TNR: variants seen among roughly 807,000 people sequenced by gnomAD.
The protein encoded by TNR is tenascin-R.
Under a neutral mutation model 150.4 loss-of-function variants are expected in TNR, and 45 were observed. The observed-to-expected ratio is 0.30, with a 90% CI of 0.24 to 0.38. The LOEUF is 0.38. Among genes scored for constraint, TNR ranks in the 10% least tolerant of loss-of-function variants. TNR has a pLI of 1.00. For missense variants in TNR, 1,544 were observed against 1,759.1 expected, an observed-to-expected ratio of 0.88 and a Z score of 2.19; for synonymous variants, 687 against 678.4, an observed-to-expected ratio of 1.01 and a Z score of -0.20.
chr1:175,577,797 T>C (rs1662180041), intron 1 of TNR, among the ~76,000 whole-genome samples: 2 of 152,124 alleles, frequency 1.3e-5, no homozygotes, highest in African/African-American at 4.8e-5. Flanking sequence ...AGGAGGGAAA[T>C]CTACTGCCCC....
intron 1 of TNR, among the ~76,000 whole-genome samples, chr1:175,674,831 G>T (rs547557970): frequency 2.0e-5 from 3 of 152,146 alleles, no homozygotes; most frequent in African/African-American, 7.2e-5. Context: ...CAATCTGCTG[G>T]ACTTCAGAAA....
chr1:175,476,268 G>A (rs1657542587), intron 2 of TNR, among the ~76,000 whole-genome samples: 1 of 152,272 alleles, frequency 6.6e-6, no homozygotes, highest in African/African-American at 2.4e-5. Flanking sequence ...GGCTCTCTGG[G>A]CATTGGTTTA....
At chr1:175,584,135 C>G (rs1392064833) in intron 1 of TNR, among the ~76,000 whole-genome samples, 1 of 152,150 alleles carries the variant, frequency 6.6e-6, no homozygotes, top group Admixed American at 6.5e-5. Flanking sequence ...CAGAATGTGA[C>G]CCCATTTGGA....
chr1:175,361,997 CT>C (rs1557885201), intron 14 of TNR, among the ~76,000 whole-genome samples: 2 of 152,222 alleles, frequency 1.3e-5, no homozygotes, highest in Non-Finnish European at 2.9e-5. Context: ...GCAAGCCAGT[CT>C]CTCCCTTGCA....
At chr1:175,380,779 C>T (rs962036334) in intron 8 of TNR, among the ~76,000 whole-genome samples, 4 of 152,184 alleles carry the variant, frequency 2.6e-5, no homozygotes, top group Non-Finnish European at 5.9e-5. Flanking sequence ...AGTGCAATAA[C>T]GTGCTGCCCG....
intron 1 of TNR, among the ~76,000 whole-genome samples, chr1:175,674,436 C>A (rs950565269): frequency 2.0e-5 from 3 of 152,178 alleles, no homozygotes; most frequent in Non-Finnish European, 4.4e-5. Context: ...GAAAAGCCTC[C>A]CACCAGGCTT....
chr1:175,481,947 G>A (rs979684555), intron 2 of TNR, among the ~76,000 whole-genome samples: 2 of 152,168 alleles, frequency 1.3e-5, no homozygotes, highest in Non-Finnish European at 2.9e-5. Flanking sequence ...ACTGAATAGT[G>A]TCTAAGGGTT....
At chr1:175,541,966 G>C (rs578230708) in intron 1 of TNR, among the ~76,000 whole-genome samples, 3 of 152,238 alleles carry the variant, frequency 2.0e-5, no homozygotes, top group African/African-American at 7.2e-5. Context: ...AGACAAAGCT[G>C]TTATGGGGAT....
intron 2 of TNR, among the ~76,000 whole-genome samples, chr1:175,443,636 G>C (rs577892922): frequency 2.0e-5 from 3 of 152,250 alleles, no homozygotes; most frequent in East Asian, 3.9e-4. Flanking sequence ...TTCTATAGGT[G>C]ATCACTACAT....
At chr1:175,646,655 G>A (rs1664818540) in intron 1 of TNR, among the ~76,000 whole-genome samples, 2 of 152,204 alleles carry the variant, frequency 1.3e-5, no homozygotes, top group Non-Finnish European at 2.9e-5. Context: ...AGCTGTGTTT[G>A]CCTGGCTTGA....
At chr1:175,701,204 G>T (rs555141598) in intron 1 of TNR, among the ~76,000 whole-genome samples, 12 of 151,908 alleles carry the variant, frequency 7.9e-5, no homozygotes, top group African/African-American at 2.9e-4. Flanking sequence ...TTTTTGTTTT[G>T]TTTCCTTCCC....
chr1:175,323,521 G>A, intron 22 of TNR, 45 bp from the exon 23 acceptor site: 1 of 1,600,292 alleles, frequency 6.2e-7, no homozygotes, highest in African/African-American at 1.3e-5. Context: ...CCCCACCATG[G>A]AACGCCCCAC....
At chr1:175,387,876 C>CCTAG (rs920529979) in intron 7 of TNR, among the ~76,000 whole-genome samples, 7 of 152,182 alleles carry the variant, frequency 4.6e-5, no homozygotes, top group African/African-American at 1.4e-4. Context: ...CGGGTCTTAG[C>CCTAG]CTAGTCCTGT....
At chr1:175,395,757 A>G (rs1296056507) in intron 5 of TNR, among the ~76,000 whole-genome samples, 1 of 152,084 alleles carries the variant, frequency 6.6e-6, no homozygotes, top group Non-Finnish European at 1.5e-5. Flanking sequence ...TATAATAATT[A>G]TTTCCTATCT....
chr1:175,506,982 C>A (rs144578836), intron 2 of TNR, among the ~76,000 whole-genome samples: 5 of 152,136 alleles, frequency 3.3e-5, no homozygotes, highest in Non-Finnish European at 5.9e-5. Flanking sequence ...AGCAGGGGTG[C>A]GTGTCACAAC....
intron 1 of TNR, among the ~76,000 whole-genome samples, chr1:175,559,853 G>A (rs1033224633): frequency 3.3e-5 from 5 of 152,124 alleles, no homozygotes; most frequent in Non-Finnish European, 5.9e-5. Context: ...AATATCTTTA[G>A]CTCCACCAGT....
rs766381125 is a variant in TNR at position 175,365,274 on chromosome 1, G to A, written c.2323C>T (p.Arg775Cys). Residue 775 changes from arginine (R) to cysteine (C), a missense_variant, in exon 12 of 23, where the codon CGT becomes TGT. By Grantham distance (180) the Arg-to-Cys change is radical. Transcript: ENST00000367674. ...ESTVDAFTGF[R>C]PISHLHFSHV... ...GAAAAGTGCAGATGAGAGATGGGAC[G>A]GAAGCCTGCAAAGCAAAGGAGATGG... is the stretch of plus-strand genomic sequence containing the variant. 1.9e-6 allele frequency: 3 copies of A among 1,602,310 alleles called. No homozygotes were observed. Among genetic ancestry groups the A allele is most frequent in the Admixed American group, 1.7e-5 (1 of 59,504 alleles).
intron 1 of TNR, among the ~76,000 whole-genome samples, chr1:175,643,886 C>T (rs16828534): frequency 6.6e-6 from 1 of 152,110 alleles, no homozygotes; most frequent in Non-Finnish European, 1.5e-5. Context: ...TTGATGCATC[C>T]TGATTGTTTA....
intron 1 of TNR, among the ~76,000 whole-genome samples, chr1:175,536,367 C>T (rs1296590935): frequency 6.6e-6 from 1 of 152,188 alleles, no homozygotes; most frequent in Non-Finnish European, 1.5e-5. Flanking sequence ...CATCTGTGGA[C>T]ATTGCCATGG....
Sources: gnomAD v4.1 joint callset for allele counts (sites outside exome capture counted in the v4.1 genomes callset) on GRCh38, gnomAD v4.1.1 for gene constraint, MANE v1.5 for transcripts, NCBI Gene and HGNC (gene_info 2026-07-23, HGNC 2026-07-21) for gene names.